RSRC1: variants seen among roughly 807,000 people sequenced by gnomAD.
The protein encoded by RSRC1 is serine/Arginine-related protein 53.
A neutral mutation model predicts 49.1 loss-of-function variants in RSRC1; 39 were observed. The ratio of observed to expected loss-of-function variants is 0.79; its 90% CI spans 0.61 to 1.04. RSRC1 has a LOEUF of 1.04. Among genes scored for constraint, RSRC1 ranks in the 50% least tolerant of loss-of-function variants. RSRC1 has a pLI of 0.00. For missense variants in RSRC1, 388 were observed against 402.4 expected (o/e 0.96, Z 0.31); for synonymous variants, 143 against 130.8 (o/e 1.09, Z -0.63).
chr3:158,120,084 C>T (rs1431483929), intron 1 of RSRC1, among the ~76,000 whole-genome samples: 1 of 152,152 alleles, frequency 6.6e-6, no homozygotes, highest in Non-Finnish European at 1.5e-5. Flanking sequence ...CCGCCTCGGC[C>T]TCCCAAAGTG....
intron 7 of RSRC1, among the ~76,000 whole-genome samples, chr3:158,535,210 C>G (rs1371881549): frequency 6.6e-6 from 1 of 151,152 alleles, no homozygotes; most frequent in Non-Finnish European, 1.5e-5. Context: ...ATCTTAAGGT[C>G]AAAGACCATA....
intron 5 of RSRC1, among the ~76,000 whole-genome samples, chr3:158,341,981 T>C (rs1362203774): frequency 1.3e-5 from 2 of 152,198 alleles, no homozygotes; most frequent in South Asian, 2.1e-4. Context: ...GCATGGGCCC[T>C]GTAACCCCTT....
intron 7 of RSRC1, among the ~76,000 whole-genome samples, chr3:158,483,595 CACAA>C (rs1247141651): frequency 6.6e-6 from 1 of 151,932 alleles, no homozygotes. Context: ...TGAAAACTTT[CACAA>C]TTTAAAGGGG....
intron 3 of RSRC1, among the ~76,000 whole-genome samples, chr3:158,153,135 A>G (rs1020774228): frequency 5.9e-5 from 9 of 152,188 alleles, no homozygotes; most frequent in African/African-American, 1.9e-4. Flanking sequence ...TACCTTCTGT[A>G]TTTGTATTGA....
intron 5 of RSRC1, among the ~76,000 whole-genome samples, chr3:158,313,366 T>A (rs1724704): frequency 0.48 from 73,193 of 152,038 alleles, 18,252 homozygotes; most frequent in East Asian, 0.64. Context: ...TTGGCCTCTC[T>A]TATTCAGTAA....
intron 5 of RSRC1, among the ~76,000 whole-genome samples, chr3:158,323,471 T>C (rs1223927621): frequency 6.6e-6 from 1 of 152,186 alleles, no homozygotes; most frequent in African/African-American, 2.4e-5. Context: ...TCCGCACACA[T>C]GTGTAATTTA....
chr3:158,489,766 T>C (rs1252084639), intron 7 of RSRC1, among the ~76,000 whole-genome samples: 1 of 152,144 alleles, frequency 6.6e-6, no homozygotes, highest in African/African-American at 2.4e-5. Context: ...TTGAATACAT[T>C]GTTGTAGCTT....
At chr3:158,410,109 A>G (rs576520540) in intron 6 of RSRC1, among the ~76,000 whole-genome samples, 69 of 152,232 alleles carry the variant, frequency 4.5e-4, no homozygotes, top group African/African-American at 1.5e-3. Context: ...TGAAGTTACT[A>G]TTTTTTAAAA....
At chr3:158,447,711 T>C (rs925115527) in intron 6 of RSRC1, among the ~76,000 whole-genome samples, 1 of 151,908 alleles carries the variant, frequency 6.6e-6, no homozygotes, top group Non-Finnish European at 1.5e-5. Context: ...TTGTTTCCTT[T>C]CATGAATTGA....
In RSRC1 at chr3:158,229,145, T is replaced by C. The variant is rs200497416; in HGVS notation, c.494+25900T>C. Among the ~76,000 whole-genome samples, 10 of 147,268 alleles carry C rather than the reference T, an allele frequency of 6.8e-5. 2 individuals are homozygous for C. Among genetic ancestry groups the C allele is most frequent in the African/African-American group, 2.5e-4 (10 of 40,260 alleles). On this transcript the variant is annotated intron_variant, in intron 4 of 9. Transcript: ENST00000611884. ...ATACGTGTATATGTGTATATAAACATACATACGTGTATATATGTATATAAA... is the reference window on the plus strand; with the variant it reads ...ATACGTGTATATGTGTATATAAACACACATACGTGTATATATGTATATAAA...
At chr3:158,126,115 A>G (rs1471881702) in intron 3 of RSRC1, among the ~76,000 whole-genome samples, 2 of 152,106 alleles carry the variant, frequency 1.3e-5, no homozygotes, top group East Asian at 1.9e-4. Context: ...TGTAAACAGC[A>G]TATACTGTAA....
chr3:158,391,802 G>T (rs1206054887), intron 6 of RSRC1, among the ~76,000 whole-genome samples: 1 of 152,036 alleles, frequency 6.6e-6, no homozygotes, highest in Non-Finnish European at 1.5e-5. Context: ...TCAAATTGGG[G>T]TCAAATGAAG....
At chr3:158,469,022 T>G (rs1190188216) in intron 7 of RSRC1, among the ~76,000 whole-genome samples, 1 of 152,152 alleles carries the variant, frequency 6.6e-6, no homozygotes, top group South Asian at 2.1e-4. Context: ...GTGACTCACT[T>G]CTTGTGTGTC....
At chr3:158,398,126 G>T (rs11716327) in intron 6 of RSRC1, among the ~76,000 whole-genome samples, 33,002 of 151,896 alleles carry the variant, frequency 0.22, 4,200 homozygotes, top group Non-Finnish European at 0.29. Flanking sequence ...TGGTATTATG[G>T]AGGGGTATGT....
At chr3:158,243,102 CT>C (rs1474938492) in intron 4 of RSRC1, among the ~76,000 whole-genome samples, 1 of 152,012 alleles carries the variant, frequency 6.6e-6, no homozygotes, top group African/African-American at 2.4e-5. Context: ...TTTTTGGTGT[CT>C]TTGTCATGAA....
intron 6 of RSRC1, among the ~76,000 whole-genome samples, chr3:158,361,440 A>T (rs1355229418): frequency 6.6e-6 from 1 of 152,136 alleles, no homozygotes; most frequent in African/African-American, 2.4e-5. Flanking sequence ...GGGTGGAGGC[A>T]GCACAGCCGG....
chr3:158,121,847 G>A (rs1288353173), intron 1 of RSRC1, among the ~76,000 whole-genome samples: 1 of 152,066 alleles, frequency 6.6e-6, no homozygotes, highest in Admixed American at 6.6e-5. Context: ...TTTATAAAAA[G>A]TAGTACATTG....
chr3:158,401,037 C>G (rs1447973194), intron 6 of RSRC1, among the ~76,000 whole-genome samples: 1 of 152,020 alleles, frequency 6.6e-6, no homozygotes, highest in African/African-American at 2.4e-5. Flanking sequence ...TTTGTTACAA[C>G]TACCCATAGT....
chr3:158,389,915 C>A (rs1733174625), intron 6 of RSRC1, among the ~76,000 whole-genome samples: 1 of 152,032 alleles, frequency 6.6e-6, no homozygotes, highest in Admixed American at 6.6e-5. Context: ...TCCAGAGTGC[C>A]CTAAGGACAA....
Sources: gnomAD v4.1 joint callset for allele counts (sites outside exome capture counted in the v4.1 genomes callset) on GRCh38, gnomAD v4.1.1 for gene constraint, MANE v1.5 for transcripts, NCBI Gene and HGNC (gene_info 2026-07-23, HGNC 2026-07-21) for gene names.